Variants in ABL2 observed in about 807,000 individuals in gnomAD.
ABL2 encodes the protein tyrosine-protein kinase ABL2.
Under a neutral mutation model 107.7 loss-of-function variants are expected in ABL2, and 49 were observed. The ratio of observed to expected loss-of-function variants is 0.45; its 90% CI spans 0.36 to 0.58. The LOEUF (loss-of-function observed/expected upper bound fraction) is 0.58. Ranked by LOEUF, ABL2 falls within the 20% of genes least tolerant of loss-of-function variation. ABL2 has a pLI of 0.00. For missense variants in ABL2, 1,245 were observed against 1,457.0 expected (o/e 0.85, Z 2.37); for synonymous variants, 549 against 548.6 (o/e 1.00, Z -0.01).
intron 1 of ABL2, among the ~76,000 whole-genome samples, chr1:179,138,794 GC>G (rs1263632936): frequency 6.6e-6 from 1 of 152,198 alleles, no homozygotes; most frequent in African/African-American, 2.4e-5. Flanking sequence ...TTCTGGGCTG[GC>G]CAAGGCCGGA....
In ABL2 at chr1:179,225,870, T is replaced by C. The variant is rs578258352; in HGVS notation, c.157+3371A>G. On this transcript the variant is annotated intron_variant, in intron 1 of 11. Transcript: ENST00000502732. ...TCTTGGCTAACACGGTGAAACCCTG[T>C]CTCTACTAAAAATACAAAAAAAAAT... 5.1e-4 allele frequency among the ~76,000 whole-genome samples: 78 copies of C among 151,634 alleles called. 1 individual carries two copies. The South Asian group carries it at 0.015, about 30-fold the overall frequency.
intron 1 of ABL2, among the ~76,000 whole-genome samples, chr1:179,222,406 T>C (rs1662922239): frequency 6.6e-6 from 1 of 152,028 alleles, no homozygotes; most frequent in Admixed American, 6.6e-5. Flanking sequence ...ATTTTTTTTT[T>C]TGAGACAGGG....
chr1:179,229,251 G>A lies in ABL2; in HGVS notation c.147C>T (p.Phe49=), dbSNP rs1196929522. The change falls in exon 1 of 12, where the codon TTC becomes TTT. Residue 49 remains phenylalanine, a synonymous_variant. Coordinates refer to ENST00000502732, the MANE Select transcript of ABL2 (RefSeq NM_007314.4). ...CCCAGACACACTCACCATGCTGGGTGAAGATATTGAAGCCGGTCTCTGTGG... is the reference window on the plus strand; with the variant it reads ...CCCAGACACACTCACCATGCTGGGTAAAGATATTGAAGCCGGTCTCTGTGG... ...GRTTETGFNI[F]TQHDHFASCV... is the part of the protein sequence containing the mutation. 1.3e-6 allele frequency: 2 copies of A among 1,547,130 alleles called. No individual in the cohort carries two copies. The highest frequency in any genetic ancestry group is 8.7e-7 in the Non-Finnish European group (1 of 1,147,848).
chr1:179,115,441 G>A (rs1230400070), intron 8 of ABL2, among the ~76,000 whole-genome samples: 1 of 152,136 alleles, frequency 6.6e-6, no homozygotes, highest in African/African-American at 2.4e-5. Flanking sequence ...ATATTAAATA[G>A]AAAATTCCAG....
At position 179,229,656 on chromosome 1, in the gene ABL2, C is replaced by T. The variant is rs1034971196; in HGVS notation, c.-259G>A. On this transcript the variant is annotated 5_prime_UTR_variant, in exon 1 of 12. It adds an upstream start codon to the 5' untranslated region. Coordinates refer to ENST00000502732, the MANE Select transcript of ABL2 (RefSeq NM_007314.4). Reference sequence around the variant, plus strand: ...AACGCCGCCGCCGCCGCCGCCGCCACCGCCGCCGCCATCTTTAAACCACCG... The same window carrying T: ...AACGCCGCCGCCGCCGCCGCCGCCATCGCCGCCGCCATCTTTAAACCACCG... 4.1e-6 allele frequency: 2 copies of T among 485,140 alleles called. No homozygotes were observed. The highest frequency in any genetic ancestry group is 2.9e-5 in the South Asian group (1 of 33,902). The allele number at this position is 485,140 out of a possible 1,614,324, so 30.1% of individuals were successfully genotyped here.
chr1:179,228,899 A>G (rs1196338004), intron 1 of ABL2, among the ~76,000 whole-genome samples: 1 of 152,060 alleles, frequency 6.6e-6, no homozygotes, highest in African/African-American at 2.4e-5. Context: ...TCTGGGACTG[A>G]GCTAATACTG....
At chr1:179,217,189 G>A (rs1571337794) in intron 1 of ABL2, among the ~76,000 whole-genome samples, 1 of 151,862 alleles carries the variant, frequency 6.6e-6, no homozygotes, top group Non-Finnish European at 1.5e-5. Flanking sequence ...AGCTACACAG[G>A]AGGCTGAAGC....
chr1:179,108,508 GCAGCCTTGGCTGGAGAAGGC>G lies in ABL2; in HGVS notation c.2739_2758del (p.Trp913CysfsTer26). On this transcript the variant is annotated frameshift_variant, in exon 12 of 12. Coordinates refer to ENST00000502732, the MANE Select transcript of ABL2 (RefSeq NM_007314.4). LOFTEE classifies it high-confidence loss of function. ...GTTGTGAGTGGTTGGGAGGACGGGG[GCAGCCTTGGCTGGAGAAGGC>G]CAGCCCGGCTGCTCTCCATCCTCTG... 5 of 1,614,180 alleles carry G rather than the reference GCAGCCTTGGCTGGAGAAGGC, an allele frequency of 3.1e-6. No individual in the cohort carries two copies. The highest frequency in any genetic ancestry group is 4.2e-6 in the Non-Finnish European group (5 of 1,180,030).
intron 1 of ABL2, chr1:179,221,828 GTCCTT>G (rs1662884269): frequency 4.2e-6 from 1 of 235,414 alleles, no homozygotes; most frequent in African/African-American, 2.3e-5. Context: ...TACCAGGAGT[GTCCTT>G]TCAAGGTGTT....
chr1:179,202,776 CAAAT>C (rs1297845097), intron 1 of ABL2, among the ~76,000 whole-genome samples: 2 of 151,970 alleles, frequency 1.3e-5, no homozygotes, highest in African/African-American at 4.8e-5. Flanking sequence ...ACAGAAGAAA[CAAAT>C]AACAATAAAA....
At chr1:179,168,545 G>A (rs914371351) in intron 1 of ABL2, among the ~76,000 whole-genome samples, 12 of 152,152 alleles carry the variant, frequency 7.9e-5, no homozygotes, top group Non-Finnish European at 4.4e-5. Flanking sequence ...TTTAAAACTT[G>A]TAGTGAAAAA....
At chr1:179,162,753 A>T (rs1266178486) in intron 1 of ABL2, among the ~76,000 whole-genome samples, 6 of 152,218 alleles carry the variant, frequency 3.9e-5, no homozygotes, top group African/African-American at 1.4e-4. Flanking sequence ...AGAAAGGTTT[A>T]AATACAGCTA....
In ABL2 at chr1:179,101,996, C is replaced by CTTATTTTTTTTTTTTTTTTTTTTT. The variant is rs1653133139; in HGVS notation, c.*5721_*5722insAAAAAAAAAAAAAAAAAAAAATAA. On this transcript the variant is annotated 3_prime_UTR_variant, in exon 12 of 12. Coordinates refer to ENST00000502732, the MANE Select transcript of ABL2 (RefSeq NM_007314.4). ...AAAAGCAAGCTTTGCATTAGAATTT[C>CTTATTTTTTTTTTTTTTTTTTTTT]TTTTTTTTTTTTTTTTTTTTTTTTT... The CTTATTTTTTTTTTTTTTTTTTTTT allele has an allele frequency of 1.9e-5, 1 of 53,878 alleles. No homozygotes were observed. Among genetic ancestry groups the CTTATTTTTTTTTTTTTTTTTTTTT allele is most frequent in the Non-Finnish European group, 3.2e-5 (1 of 31,256 alleles). 3.3% of individuals were successfully genotyped at this position (53,878 alleles called of 1,614,324 possible).
At chr1:179,120,042 G>A (rs751049467) in intron 6 of ABL2, 148 bp downstream of exon 6, 7 of 492,304 alleles carry the variant, frequency 1.4e-5, no homozygotes, top group Non-Finnish European at 2.5e-5. Context: ...AGGCCCAGGC[G>A]GAAGTATCAC....
At chr1:179,167,131 A>G (rs1289207931) in intron 1 of ABL2, among the ~76,000 whole-genome samples, 1 of 152,254 alleles carries the variant, frequency 6.6e-6, no homozygotes, top group Non-Finnish European at 1.5e-5. Flanking sequence ...ACACAATAGG[A>G]AAGATATGGA....
intron 1 of ABL2, among the ~76,000 whole-genome samples, chr1:179,210,901 C>T (rs1212265496): frequency 6.6e-6 from 1 of 151,508 alleles, no homozygotes; most frequent in African/African-American, 2.4e-5. Context: ...CATATACTGC[C>T]AGGAAGAAAG....
In ABL2 at chr1:179,128,147, A is replaced by G. The variant is rs141589993; in HGVS notation, c.392-1475T>C. On this transcript the variant is annotated intron_variant, in intron 3 of 11. Coordinates refer to ENST00000502732, the MANE Select transcript of ABL2 (RefSeq NM_007314.4). ...TTTAGTGGCCTTCAGAAACGTTTCC[A>G]TAGAATAACTTTGTATCAGACACCA... Among the ~76,000 whole-genome samples, 12 of 152,238 alleles carry G rather than the reference A, an allele frequency of 7.9e-5. No homozygotes were observed. In the East Asian group the frequency reaches 1.9e-3, roughly 24 times the overall value.
chr1:179,187,871 T>A (rs1156867193), intron 1 of ABL2, among the ~76,000 whole-genome samples: 2 of 152,210 alleles, frequency 1.3e-5, no homozygotes, highest in Non-Finnish European at 2.9e-5. Context: ...ACAAATCAGC[T>A]AGACTGAACC....
At chr1:179,223,716 G>A (rs1396366488) in intron 1 of ABL2, among the ~76,000 whole-genome samples, 1 of 151,898 alleles carries the variant, frequency 6.6e-6, no homozygotes, top group East Asian at 1.9e-4. Context: ...AAAAAATGAA[G>A]TTTAGTTCTT....
Sources: gnomAD v4.1 joint callset for allele counts (sites outside exome capture counted in the v4.1 genomes callset) on GRCh38, gnomAD v4.1.1 for gene constraint, MANE v1.5 for transcripts, NCBI Gene and HGNC (gene_info 2026-07-23, HGNC 2026-07-21) for gene names.